The following GULP1 variants were observed in gnomAD, a reference collection of about 807,000 sequenced individuals.
The protein encoded by GULP1 is GULP PTB domain containing engulfment adaptor 1.
A neutral mutation model predicts 40.9 loss-of-function variants in GULP1; 19 were observed. That is an observed-to-expected ratio of 0.46 (90% CI 0.32 to 0.68). The LOEUF (loss-of-function observed/expected upper bound fraction) is 0.68. Ranked by LOEUF, GULP1 falls within the 30% of genes least tolerant of loss-of-function variation. GULP1 has a pLI of 0.03. For missense variants in GULP1, 312 were observed against 362.2 expected (o/e 0.86, Z 1.12); for synonymous variants, 119 against 117.6 (o/e 1.01, Z -0.08).
intron 2 of GULP1, among the ~76,000 whole-genome samples, chr2:188,423,935 T>C (rs1185357626): frequency 2.0e-5 from 3 of 151,890 alleles, no homozygotes; most frequent in Admixed American, 6.6e-5. Flanking sequence ...TAGACATGAA[T>C]TTTAGTCCTA....
At chr2:188,295,977 T>C (rs6434274) in intron 1 of GULP1, among the ~76,000 whole-genome samples, 114,170 of 151,988 alleles carry the variant, frequency 0.75, 43,338 homozygotes, top group East Asian at 0.95. Flanking sequence ...GTGATTCAAT[T>C]CGCGATATTG....
At chr2:188,441,005 A>G (rs1575268430) in intron 2 of GULP1, among the ~76,000 whole-genome samples, 1 of 152,270 alleles carries the variant, frequency 6.6e-6, no homozygotes, top group East Asian at 1.9e-4. Flanking sequence ...AGTGGTCCCT[A>G]TCCTAGTTTG....
intron 2 of GULP1, among the ~76,000 whole-genome samples, chr2:188,398,629 A>G (rs1233386750): frequency 2.0e-5 from 3 of 152,168 alleles, no homozygotes; most frequent in Non-Finnish European, 1.5e-5. Flanking sequence ...TTTTTCATCA[A>G]TATGTTGTTC....
At chr2:188,497,757 A>G (rs964237235) in intron 4 of GULP1, among the ~76,000 whole-genome samples, 2 of 151,982 alleles carry the variant, frequency 1.3e-5, no homozygotes, top group African/African-American at 4.8e-5. Flanking sequence ...GAAAGAACAG[A>G]CAGACCCTTT....
At chr2:188,481,208 T>C (rs2061422047) in intron 3 of GULP1, among the ~76,000 whole-genome samples, 1 of 152,032 alleles carries the variant, frequency 6.6e-6, no homozygotes, top group Non-Finnish European at 1.5e-5. Flanking sequence ...AGAATGTCTA[T>C]ATTCCCATTT....
At chr2:188,331,941 G>A (rs1434154319) in intron 1 of GULP1, among the ~76,000 whole-genome samples, 1 of 152,030 alleles carries the variant, frequency 6.6e-6, no homozygotes, top group African/African-American at 2.4e-5. Flanking sequence ...AAAATTTAAT[G>A]AGTAATTTAT....
Position 188,414,231 on chromosome 2 carries a change from A to AG in GULP1, c.-45+30342_-45+30343insG, listed in dbSNP as rs1208263206. ...GACTCCATCTCAAAAAAAAAAAAAA[A>AG]AAAAAGAAAAAGAAGAGAAATGGTT... On this transcript the variant is annotated intron_variant, in intron 2 of 11. Coordinates refer to ENST00000409830, the MANE Select transcript of GULP1 (RefSeq NM_016315.4). Among the ~76,000 whole-genome samples the AG allele has an allele frequency of 2.1e-4, 31 of 149,178 alleles. 1 individual carries two copies. The highest frequency in any genetic ancestry group is 2.0e-4 in the East Asian group (1 of 5,062).
At chr2:188,572,974 T>C (rs192126179) in intron 9 of GULP1, among the ~76,000 whole-genome samples, 2 of 152,302 alleles carry the variant, frequency 1.3e-5, no homozygotes, top group Non-Finnish European at 1.5e-5. Flanking sequence ...CAAGGTATTA[T>C]ATACTTGAAA....
intron 2 of GULP1, among the ~76,000 whole-genome samples, chr2:188,399,845 T>G (rs144011691): frequency 9.8e-5 from 15 of 152,306 alleles, no homozygotes; most frequent in African/African-American, 3.1e-4. Flanking sequence ...TTGTTCTTTC[T>G]TGTGTACATA....
At chr2:188,382,025 A>C (rs1490744709) in intron 1 of GULP1, among the ~76,000 whole-genome samples, 1 of 152,164 alleles carries the variant, frequency 6.6e-6, no homozygotes, top group East Asian at 1.9e-4. Flanking sequence ...TATGGCCTTA[A>C]AATATACTGT....
chr2:188,456,301 C>A (rs190199122), intron 2 of GULP1, among the ~76,000 whole-genome samples: 3,454 of 152,254 alleles, frequency 0.023, 140 homozygotes, highest in African/African-American at 0.079. Flanking sequence ...CAGCCTCTCC[C>A]ATCACGTGCC....
At position 188,521,933 on chromosome 2, in the gene GULP1, A is replaced by G. The variant is rs2153225707; in HGVS notation, c.91-823A>G. ...CTACTAAAAATACAAAAAATGAGCC[A>G]GGCACAGTGGCGGGTGCCTGTAGTC... On this transcript the variant is annotated intron_variant, in intron 4 of 11. Transcript: ENST00000409830. 1.3e-5 allele frequency among the ~76,000 whole-genome samples: 2 copies of G among 152,246 alleles called. 1 individual carries two copies. The highest frequency in any genetic ancestry group is 4.8e-5 in the African/African-American group (2 of 41,552).
intron 4 of GULP1, among the ~76,000 whole-genome samples, chr2:188,512,553 T>A (rs1468233857): frequency 6.6e-6 from 1 of 152,112 alleles, no homozygotes; most frequent in Non-Finnish European, 1.5e-5. Flanking sequence ...TTGTTATTTT[T>A]CTGATATTTA....
chr2:188,396,350 T>C (rs13394421), intron 2 of GULP1, among the ~76,000 whole-genome samples: 26,615 of 152,192 alleles, frequency 0.17, 2,403 homozygotes, highest in East Asian at 0.25. Context: ...AGGGCTCCTG[T>C]GAGGGCCCAG....
chr2:188,307,486 A>G (rs541003958), intron 1 of GULP1, among the ~76,000 whole-genome samples: 27 of 152,224 alleles, frequency 1.8e-4, no homozygotes, highest in African/African-American at 6.3e-4. Context: ...TTTACAATGT[A>G]AAATATTCAT....
At chr2:188,403,736 C>T (rs1409444707) in intron 2 of GULP1, among the ~76,000 whole-genome samples, 1 of 152,134 alleles carries the variant, frequency 6.6e-6, no homozygotes, top group Non-Finnish European at 1.5e-5. Flanking sequence ...CTGTACCATA[C>T]TGAGAAATGG....
intron 1 of GULP1, among the ~76,000 whole-genome samples, chr2:188,361,081 C>T (rs1206644158): frequency 6.6e-6 from 1 of 152,092 alleles, no homozygotes; most frequent in African/African-American, 2.4e-5. Flanking sequence ...GATAGCTTGA[C>T]CATGACGTAT....
At chr2:188,413,720 A>C (rs1171031171) in intron 2 of GULP1, among the ~76,000 whole-genome samples, 1 of 152,190 alleles carries the variant, frequency 6.6e-6, no homozygotes, top group Admixed American at 6.5e-5. Context: ...GCCACAATAT[A>C]AATTCCTAGT....
At chr2:188,460,042 A>G (rs1015410809) in intron 2 of GULP1, among the ~76,000 whole-genome samples, 2 of 152,120 alleles carry the variant, frequency 1.3e-5, no homozygotes, top group South Asian at 2.1e-4. Context: ...TTTGTTTGCT[A>G]TAGCATTGTA....
Sources: allele counts gnomAD v4.1 joint callset (sites outside exome capture counted in the v4.1 genomes callset), GRCh38; gene constraint gnomAD v4.1.1; transcripts MANE v1.5; gene names NCBI Gene and HGNC (gene_info 2026-07-23, HGNC 2026-07-21).